PTPRN2: variants seen among roughly 807,000 people sequenced by gnomAD.
The protein encoded by PTPRN2 is receptor-type tyrosine-protein phosphatase N2.
PTPRN2 carries 74 observed loss-of-function variants against 118.8 expected under a neutral mutation model. The observed-to-expected ratio is 0.62, with a 90% CI of 0.52 to 0.76. The LOEUF is 0.76. Among genes scored for constraint, PTPRN2 ranks in the 30% least tolerant of loss-of-function variants. PTPRN2 has a pLI of 0.00. For synonymous variants in PTPRN2, 641 were observed against 608.0 expected (o/e 1.05, Z -0.80); for missense variants, 1,481 against 1,394.4 (o/e 1.06, Z -0.99).
chr7:157,748,352 C>T (rs1801160313), intron 12 of PTPRN2, among the ~76,000 whole-genome samples: 1 of 150,038 alleles, frequency 6.7e-6, no homozygotes, highest in Non-Finnish European at 1.5e-5. Flanking sequence ...ATTCTGAGGC[C>T]TGCGTCCCTG....
intron 12 of PTPRN2, among the ~76,000 whole-genome samples, chr7:157,877,366 C>T (rs1383583546): frequency 1.3e-5 from 2 of 149,676 alleles, no homozygotes; most frequent in Admixed American, 6.6e-5. Context: ...GAGTGCCACA[C>T]TAGAGTTTTC....
chr7:158,256,573 G>A (rs1382402027), intron 3 of PTPRN2, among the ~76,000 whole-genome samples: 2 of 152,168 alleles, frequency 1.3e-5, no homozygotes, highest in Admixed American at 6.5e-5. Flanking sequence ...GACAGAAGCT[G>A]GCGGGGGCGG....
intron 2 of PTPRN2, among the ~76,000 whole-genome samples, chr7:158,387,733 G>A (rs12698246): frequency 3.3e-5 from 5 of 152,108 alleles, no homozygotes; most frequent in African/African-American, 9.7e-5. Context: ...GAGCCAGGGC[G>A]AAGTTTCCTG....
At chr7:157,564,401 G>A (rs946385119) in intron 21 of PTPRN2, among the ~76,000 whole-genome samples, 19 of 152,210 alleles carry the variant, frequency 1.2e-4, no homozygotes, top group African/African-American at 4.3e-4. Context: ...TTACAGGTGT[G>A]AGTCACAAGA....
chr7:158,434,806 T>G (rs535105280), intron 2 of PTPRN2, among the ~76,000 whole-genome samples: 1 of 152,312 alleles, frequency 6.6e-6, no homozygotes, highest in Non-Finnish European at 1.5e-5. Context: ...ATTCTTTTTG[T>G]GGCTATTCTA....
In PTPRN2 at chr7:158,546,595, A is replaced by G. The variant is rs775201229; in HGVS notation, c.112+40963T>C. Among the ~76,000 whole-genome samples, 4 of 152,144 alleles carry G rather than the reference A, an allele frequency of 2.6e-5. No homozygotes were observed. Among genetic ancestry groups the G allele is most frequent in the Non-Finnish European group, 5.9e-5 (4 of 68,004 alleles). On this transcript the variant is annotated intron_variant, in intron 1 of 22. Transcript: ENST00000389418. The surrounding 1 kb of genome is among the most constrained non-coding windows in gnomAD (Gnocchi z 5.0). ...GAAGCCCATCGCCTGTTGCCCTCCCAGGCCACACCTTGACGTGGGAGGCCA... is the reference window on the plus strand; with the variant it reads ...GAAGCCCATCGCCTGTTGCCCTCCCGGGCCACACCTTGACGTGGGAGGCCA...
intron 19 of PTPRN2, among the ~76,000 whole-genome samples, chr7:157,573,553 C>A (rs1248393889): frequency 6.6e-6 from 1 of 152,192 alleles, no homozygotes; most frequent in Non-Finnish European, 1.5e-5. Flanking sequence ...ACAAACCAAA[C>A]CCCAAACCCC....
chr7:158,540,108 G>A (rs920086342), intron 1 of PTPRN2, among the ~76,000 whole-genome samples: 1 of 152,178 alleles, frequency 6.6e-6, no homozygotes, highest in African/African-American at 2.4e-5. Context: ...GGCTGCTGCA[G>A]CGGGTGCCTG....
intron 11 of PTPRN2, among the ~76,000 whole-genome samples, chr7:157,962,631 A>C (rs1349132892): frequency 6.6e-6 from 1 of 152,240 alleles, no homozygotes; most frequent in East Asian, 1.9e-4. Flanking sequence ...TGCAGCCTGC[A>C]CATGGCAGGT....
At chr7:157,776,015 T>C (rs1019648015) in intron 12 of PTPRN2, among the ~76,000 whole-genome samples, 1 of 151,608 alleles carries the variant, frequency 6.6e-6, no homozygotes, top group Admixed American at 6.6e-5. Flanking sequence ...TACTCGGAGG[T>C]GGGCAAGGAG....
At chr7:158,066,757 C>T (rs60756748) in intron 11 of PTPRN2, among the ~76,000 whole-genome samples, 3,230 of 151,834 alleles carry the variant, frequency 0.021, 89 homozygotes, top group African/African-American at 0.067. Flanking sequence ...GCCAAGCAGA[C>T]GGCAAGGCTG....
intron 21 of PTPRN2, among the ~76,000 whole-genome samples, chr7:157,556,902 A>G (rs1347810234): frequency 6.6e-6 from 1 of 151,714 alleles, no homozygotes; most frequent in African/African-American, 2.4e-5. Flanking sequence ...ATATGCATGC[A>G]CACACATATA....
rs1439960126 is a variant in PTPRN2 at position 157,618,442 on chromosome 7, G to T, written c.2344+2920C>A. ...ATCGCGACACAGAGGACAGCATGGA[G>T]CCCAGCTCGAGTGCCGTCCCCCCAC... On this transcript the variant is annotated intron_variant, in intron 15 of 22. Coordinates refer to ENST00000389418, the MANE Select transcript of PTPRN2 (RefSeq NM_002847.5). The surrounding 1 kb of genome is among the most constrained non-coding windows in gnomAD (Gnocchi z 4.2). The T allele has an allele frequency of 3.3e-5, 5 of 152,454 alleles. No homozygotes were observed. Among genetic ancestry groups the T allele is most frequent in the Non-Finnish European group, 7.3e-5 (5 of 68,226 alleles). 9.4% of individuals were successfully genotyped at this position (152,454 alleles called of 1,614,324 possible).
Position 157,648,668 on chromosome 7 carries a change from A to G in PTPRN2, c.2196+7689T>C, listed in dbSNP as rs144331111. On this transcript the variant is annotated intron_variant, in intron 14 of 22. Transcript: ENST00000389418. ...CAGCATGCACTGAACTCGGTGGGTC[A>G]GACCCTTTCACTGTGCACTGAACTC... Among the ~76,000 whole-genome samples, 327 of 121,798 alleles carry G rather than the reference A, an allele frequency of 2.7e-3. 6 individuals are homozygous for G. Among genetic ancestry groups the G allele is most frequent in the South Asian group, 0.018 (58 of 3,178 alleles). 79.9% of individuals were successfully genotyped at this position (121,798 alleles called of 152,430 possible).
chr7:157,841,847 C>T (rs531022663), intron 12 of PTPRN2, among the ~76,000 whole-genome samples: 126 of 152,288 alleles, frequency 8.3e-4, no homozygotes, highest in African/African-American at 2.6e-3. Context: ...CTGGATTCTG[C>T]GCTTTCCTTC....
intron 2 of PTPRN2, among the ~76,000 whole-genome samples, chr7:158,464,460 T>C (rs1384542337): frequency 1.5e-5 from 2 of 130,084 alleles, no homozygotes; most frequent in African/African-American, 3.1e-5. Flanking sequence ...ACCACCGTCA[T>C]CATCCTTACC....
chr7:158,533,559 C>A (rs373941559), intron 1 of PTPRN2, among the ~76,000 whole-genome samples: 83 of 152,308 alleles, frequency 5.4e-4, no homozygotes, highest in African/African-American at 1.9e-3. Context: ...GGTCTCCCTG[C>A]AACACACGAG....
chr7:158,106,825 A>G (rs1241470679), intron 10 of PTPRN2, among the ~76,000 whole-genome samples: 2 of 152,158 alleles, frequency 1.3e-5, no homozygotes, highest in Non-Finnish European at 2.9e-5. Flanking sequence ...ATATAAAACT[A>G]TGGCCCAGAG....
chr7:158,031,902 C>T (rs1807715396), intron 11 of PTPRN2, among the ~76,000 whole-genome samples: 1 of 152,236 alleles, frequency 6.6e-6, no homozygotes, highest in Non-Finnish European at 1.5e-5. Context: ...GACGGTGCTG[C>T]TCTGCAGCCG....
Sources: gnomAD v4.1 joint callset for allele counts (sites outside exome capture counted in the v4.1 genomes callset) on GRCh38, gnomAD v4.1.1 for gene constraint, Gnocchi (gnomAD v3.1) non-coding constraint, MANE v1.5 for transcripts, NCBI Gene and HGNC (gene_info 2026-07-23, HGNC 2026-07-21) for gene names.